The following NR1H4 variants were observed in gnomAD, a reference collection of about 807,000 sequenced individuals.
NR1H4 encodes the protein nuclear receptor subfamily 1 group H member 4, also known as bile acid receptor.
In NR1H4, 23 loss-of-function variants were observed where a neutral mutation model predicts 58.5. The observed-to-expected ratio is 0.39, with a 90% CI of 0.28 to 0.56. The LOEUF (loss-of-function observed/expected upper bound fraction) is 0.56, where lower values mean the gene tolerates loss of function less well. Among genes scored for constraint, NR1H4 ranks in the 20% least tolerant of loss-of-function variants. The pLI is 0.58. For synonymous variants in NR1H4, 214 were observed against 198.0 expected, an observed-to-expected ratio of 1.08 and a Z score of -0.68; for missense variants, 487 against 576.9, an observed-to-expected ratio of 0.84 and a Z score of 1.60.
At chr12:100,475,123 A>AT (rs1226715671) in intron 1 of NR1H4, among the ~76,000 whole-genome samples, 220 of 136,784 alleles carry the variant, frequency 1.6e-3, no homozygotes, top group African/African-American at 2.7e-3. Flanking sequence ...AAAGTGGTTT[A>AT]CCTATCTATC....
At chr12:100,519,937 C>T (rs1954370612) in intron 4 of NR1H4, among the ~76,000 whole-genome samples, 1 of 152,142 alleles carries the variant, frequency 6.6e-6, no homozygotes, top group South Asian at 2.1e-4. Flanking sequence ...CAAAAACAGG[C>T]TCCTTTATCT....
intron 9 of NR1H4, among the ~76,000 whole-genome samples, chr12:100,559,636 C>A (rs1463032642): frequency 1.3e-5 from 2 of 152,242 alleles, no homozygotes; most frequent in African/African-American, 4.8e-5. Context: ...GGCTCGGGAC[C>A]TGCAGCCCGC....
At chr12:100,495,031 C>G (rs1211397324) in intron 3 of NR1H4, among the ~76,000 whole-genome samples, 1 of 152,072 alleles carries the variant, frequency 6.6e-6, no homozygotes, top group South Asian at 2.1e-4. Flanking sequence ...ATTTCAGCAG[C>G]CATAAGGTGA....
At position 100,518,038 on chromosome 12, in the gene NR1H4, G is replaced by T. The variant is rs79140249; in HGVS notation, c.445+6895G>T. On this transcript the variant is annotated intron_variant, in intron 4 of 10. Coordinates refer to ENST00000392986, the MANE Select transcript of NR1H4 (RefSeq NM_001206979.2). Reference sequence around the variant, plus strand: ...AGAAAACGAAGCAGTCCGTTTAGCTGTTAAAGAATCAGTAGTGTCTAAGCC... The same window carrying T: ...AGAAAACGAAGCAGTCCGTTTAGCTTTTAAAGAATCAGTAGTGTCTAAGCC... Among the ~76,000 whole-genome samples, 692 of 152,332 alleles carry T rather than the reference G, an allele frequency of 4.5e-3. 6 individuals carry two copies. Among genetic ancestry groups the T allele is most frequent in the African/African-American group, 0.016 (651 of 41,572 alleles).
chr12:100,552,137 A>T (rs940140022), intron 9 of NR1H4, among the ~76,000 whole-genome samples: 1 of 152,148 alleles, frequency 6.6e-6, no homozygotes, highest in Non-Finnish European at 1.5e-5. Flanking sequence ...GCACTAATAT[A>T]GTGCCTGACA....
intron 3 of NR1H4, among the ~76,000 whole-genome samples, chr12:100,509,900 C>T (rs911234535): frequency 6.0e-5 from 9 of 149,424 alleles, no homozygotes; most frequent in Non-Finnish European, 8.8e-5. Flanking sequence ...TGTCTTTGCA[C>T]GTGGGCACGT....
chr12:100,534,066 T>G (rs1489377427), intron 5 of NR1H4, among the ~76,000 whole-genome samples: 1 of 151,900 alleles, frequency 6.6e-6, no homozygotes, highest in African/African-American at 2.4e-5. Flanking sequence ...CCGGCTAATT[T>G]TTTGTATTTT....
At chr12:100,543,580 T>C (rs1251731768) in intron 9 of NR1H4, among the ~76,000 whole-genome samples, 1 of 152,032 alleles carries the variant, frequency 6.6e-6, no homozygotes. Context: ...TGTGTGTGTG[T>C]GTGTGTGTCC....
intron 9 of NR1H4, among the ~76,000 whole-genome samples, chr12:100,555,283 A>G (rs1955296729): frequency 6.6e-6 from 1 of 152,210 alleles, no homozygotes; most frequent in African/African-American, 2.4e-5. Flanking sequence ...ACAACTGAGG[A>G]GTGTAGTCTC....
chr12:100,527,751 GT>G (rs540531088), intron 4 of NR1H4, among the ~76,000 whole-genome samples: 1 of 152,078 alleles, frequency 6.6e-6, no homozygotes, highest in South Asian at 2.1e-4. Context: ...ATGGTGTTTG[GT>G]TTTTTGTCCT....
chr12:100,510,054 T>A (rs1365726434), intron 3 of NR1H4, among the ~76,000 whole-genome samples: 1 of 152,252 alleles, frequency 6.6e-6, no homozygotes, highest in African/African-American at 2.4e-5. Context: ...TCTAAATAAT[T>A]GTTTTACATC....
intron 3 of NR1H4, among the ~76,000 whole-genome samples, chr12:100,501,466 C>T (rs778226284): frequency 7.9e-5 from 12 of 152,086 alleles, no homozygotes; most frequent in Non-Finnish European, 8.8e-5. Context: ...TTTTCCACCA[C>T]GGGATTTTGA....
chr12:100,509,219 A>G (rs1954044670), intron 3 of NR1H4, among the ~76,000 whole-genome samples: 1 of 152,220 alleles, frequency 6.6e-6, no homozygotes, highest in South Asian at 2.1e-4. Context: ...TAAGAGATGG[A>G]ATTGGAATTT....
At position 100,536,533 on chromosome 12, in the gene NR1H4, G is replaced by T. The variant is rs750935292; in HGVS notation, c.754G>T (p.Asp252Tyr). 6.2e-7 allele frequency: 1 copy of T among 1,609,222 alleles called. No homozygotes were observed. The highest frequency in any genetic ancestry group is 1.3e-5 in the African/African-American group (1 of 74,728). Residue 252 changes from aspartate to tyrosine, a missense_variant, in exon 7 of 11, where the codon GAT becomes TAT. Coordinates refer to ENST00000392986, the MANE Select transcript of NR1H4 (RefSeq NM_001206979.2). Reference protein sequence around the residue: ...SCREKTELTPDQQTLLHFIMD... With the variant: ...SCREKTELTPYQQTLLHFIMD... ...GTAGGAGAAAACTGAACTCACCCCA[G>T]ATCAACAGACTCTTCTACATTTTAT...
rs373388321 is a variant in NR1H4 at position 100,550,879 on chromosome 12, A to T, written c.1078+10061A>T. Among the ~76,000 whole-genome samples the T allele has an allele frequency of 2.2e-3, 329 of 152,272 alleles. 1 individual carries two copies. Among genetic ancestry groups the T allele is most frequent in the South Asian group, 0.018 (87 of 4,814 alleles). ...ATGTTTTGCAATGTTTTGTTTTCAC[A>T]TGCATTATCCTGTTAGTGCTGCTCC... On this transcript the variant is annotated intron_variant, in intron 9 of 10. Coordinates refer to ENST00000392986, the MANE Select transcript of NR1H4 (RefSeq NM_001206979.2).
At chr12:100,497,885 A>G (rs777377354) in intron 3 of NR1H4, among the ~76,000 whole-genome samples, 20 of 152,212 alleles carry the variant, frequency 1.3e-4, no homozygotes, top group Non-Finnish European at 2.4e-4. Flanking sequence ...AAAAATTACA[A>G]AAATTTAGAG....
At chr12:100,542,191 C>CA (rs1423497984) in intron 9 of NR1H4, among the ~76,000 whole-genome samples, 1 of 151,780 alleles carries the variant, frequency 6.6e-6, no homozygotes, top group Admixed American at 6.6e-5. Context: ...ACTAAAAATA[C>CA]AAAAAATTAG....
intron 9 of NR1H4, among the ~76,000 whole-genome samples, chr12:100,557,380 C>T (rs1387464395): frequency 6.6e-6 from 1 of 152,216 alleles, no homozygotes; most frequent in African/African-American, 2.4e-5. Flanking sequence ...CCAAGCCATT[C>T]ATGAGGGGTC....
intron 3 of NR1H4, among the ~76,000 whole-genome samples, chr12:100,506,861 A>C (rs1953978185): frequency 6.6e-6 from 1 of 152,082 alleles, no homozygotes; most frequent in Non-Finnish European, 1.5e-5. Flanking sequence ...ATTTTTACTG[A>C]TGTTCTACTG....
Sources: allele counts gnomAD v4.1 joint callset (sites outside exome capture counted in the v4.1 genomes callset), GRCh38; gene constraint gnomAD v4.1.1; transcripts MANE v1.5; gene names NCBI Gene and HGNC (gene_info 2026-07-23, HGNC 2026-07-21).